Variants in XRCC5 observed in about 807,000 individuals in gnomAD.
XRCC5 encodes the protein DNA repair protein Ku80.
In XRCC5, 12 loss-of-function variants were observed where a neutral mutation model predicts 95.7. The observed-to-expected ratio is 0.13, with a 90% CI of 0.08 to 0.20. XRCC5 has a LOEUF of 0.20. Among genes scored for constraint, XRCC5 ranks in the 10% least tolerant of loss-of-function variants. The pLI is 1.00. For synonymous variants in XRCC5, 281 were observed against 290.3 expected (o/e 0.97, Z 0.33); for missense variants, 595 against 873.9 (o/e 0.68, Z 4.02).
intron 16 of XRCC5, among the ~76,000 whole-genome samples, chr2:216,180,173 A>G (rs1284211396): frequency 2.6e-5 from 4 of 152,224 alleles, no homozygotes; most frequent in Non-Finnish European, 5.9e-5. Context: ...ACTTTAAGAC[A>G]TGAGACTGGA....
intron 2 of XRCC5, among the ~76,000 whole-genome samples, chr2:216,114,821 G>C (rs1437382869): frequency 6.6e-6 from 1 of 152,148 alleles, no homozygotes; most frequent in Non-Finnish European, 1.5e-5. Flanking sequence ...CTGCCTCTGG[G>C]GGCGCTCGAC....
chr2:216,203,513 G>A (rs1689882259), intron 19 of XRCC5, among the ~76,000 whole-genome samples: 1 of 152,190 alleles, frequency 6.6e-6, no homozygotes, highest in Non-Finnish European at 1.5e-5. Flanking sequence ...GAAAAAGAGT[G>A]TTCAGATAAT....
At chr2:216,137,326 G>T (rs1444544220) in intron 11 of XRCC5, 101 bp downstream of exon 11, 4 of 1,345,350 alleles carry the variant, frequency 3.0e-6, no homozygotes, top group Non-Finnish European at 4.0e-6. Context: ...TGGGGATCTT[G>T]TTAAAATGCA....
chr2:216,179,964 T>C (rs898569597), intron 16 of XRCC5, among the ~76,000 whole-genome samples: 5 of 152,192 alleles, frequency 3.3e-5, no homozygotes, highest in Non-Finnish European at 7.3e-5. Flanking sequence ...GTTTTGAAAG[T>C]AGAATTGTCA....
chr2:216,152,493 G>A (rs1297553284), intron 14 of XRCC5, among the ~76,000 whole-genome samples: 2 of 151,884 alleles, frequency 1.3e-5, no homozygotes, highest in African/African-American at 4.8e-5. Flanking sequence ...AACCGTATCA[G>A]GTGAGAACTC....
chr2:216,137,653 A>G (rs1410789780), intron 11 of XRCC5, among the ~76,000 whole-genome samples: 1 of 152,186 alleles, frequency 6.6e-6, no homozygotes, highest in African/African-American at 2.4e-5. Flanking sequence ...GGCTGAGGAT[A>G]TGATTTTGTT....
At chr2:216,134,725 C>T (rs1417917015) in intron 10 of XRCC5, among the ~76,000 whole-genome samples, 3 of 151,734 alleles carry the variant, frequency 2.0e-5, no homozygotes, top group Admixed American at 6.6e-5. Flanking sequence ...TGTGAGCCAC[C>T]GTGCCCAGCC....
intron 14 of XRCC5, chr2:216,156,630 C>T: frequency 1.8e-6 from 1 of 561,090 alleles, no homozygotes; most frequent in East Asian, 4.8e-5. Flanking sequence ...GCATCATCTG[C>T]CTACATATAG....
intron 16 of XRCC5, among the ~76,000 whole-genome samples, chr2:216,173,254 C>T (rs1163974518): frequency 6.6e-6 from 1 of 151,858 alleles, no homozygotes; most frequent in African/African-American, 2.4e-5. Context: ...GAACTTCTGG[C>T]ACAGTGTTGA....
chr2:216,145,724 C>T (rs1463026139), intron 13 of XRCC5, among the ~76,000 whole-genome samples: 2 of 152,160 alleles, frequency 1.3e-5, no homozygotes, highest in Non-Finnish European at 1.5e-5. Context: ...TTATTATTGA[C>T]TTAACGGATG....
chr2:216,194,806 A>G, intron 18 of XRCC5, 113 bp from the exon 19 acceptor site: 1 of 1,008,188 alleles, frequency 9.9e-7, no homozygotes, highest in Non-Finnish European at 1.5e-6. Context: ...CCCTGTCTCT[A>G]TTTAAAAAAA....
Position 216,114,985 on chromosome 2 carries a change from A to G in XRCC5, c.136-1674A>G, listed in dbSNP as rs566347693. On this transcript the variant is annotated intron_variant, in intron 2 of 20. Transcript: ENST00000392132. ...ACAAAGGAGACTGGAAGCCCGGGAAAAGATGGCGCCGGTGGTTGGGGGGCG... is the reference window on the plus strand; with the variant it reads ...ACAAAGGAGACTGGAAGCCCGGGAAGAGATGGCGCCGGTGGTTGGGGGGCG... Among the ~76,000 whole-genome samples, 69 of 152,074 alleles carry G rather than the reference A, an allele frequency of 4.5e-4. 1 individual carries two copies. The highest frequency in any genetic ancestry group is 1.5e-3 in the African/African-American group (63 of 41,368).
chr2:216,178,631 A>T (rs375784056), intron 16 of XRCC5, among the ~76,000 whole-genome samples: 6 of 152,230 alleles, frequency 3.9e-5, no homozygotes, highest in African/African-American at 1.4e-4. Context: ...AATCATGACA[A>T]TGTTGGATGT....
At chr2:216,110,664 A>G (rs1247044383) in intron 1 of XRCC5, 1 of 152,234 alleles carries the variant, frequency 6.6e-6, no homozygotes, top group Non-Finnish European at 1.5e-5. Context: ...AATAAGTTCC[A>G]TATTTGAAAC....
chr2:216,192,723 A>G lies in XRCC5; in HGVS notation c.2029A>G (p.Ile677Val), dbSNP rs765461730. 5.7e-6 allele frequency: 9 copies of G among 1,591,134 alleles called. No individual in the cohort carries two copies. The Admixed American group carries it at 1.4e-4, about 25-fold the overall frequency. ...EIKQLNHFWEIVVQDGITLIT... is the reference protein window; with the variant it reads ...EIKQLNHFWEVVVQDGITLIT... The stretch of plus-strand genomic sequence containing the variant: ...TAAACAATTAAATCATTTCTGGGAA[A>G]TTGTTGTCCAGGGTAAGTTGTCATT... The change falls in exon 18 of 21, where the codon ATT (isoleucine) becomes GTT (valine). Residue 677 changes from isoleucine to valine, a missense_variant. Physicochemically the swap from Ile to Val is conservative, Grantham distance 29. Coordinates refer to ENST00000392132, the MANE Select transcript of XRCC5 (RefSeq NM_021141.4).
At chr2:216,165,083 T>C (rs41301724) in intron 16 of XRCC5, among the ~76,000 whole-genome samples, 1 of 152,220 alleles carries the variant, frequency 6.6e-6, no homozygotes, top group Non-Finnish European at 1.5e-5. Context: ...ACTGTAAAAT[T>C]GGAGGAGATG....
At chr2:216,162,150 T>C in intron 16 of XRCC5, 102 bp downstream of exon 16, 1 of 1,113,668 alleles carries the variant, frequency 9.0e-7, no homozygotes, top group Non-Finnish European at 1.4e-6. Context: ...ACTTTAGCAT[T>C]TTTCTTTACT....
chr2:216,172,388 A>G (rs543195670), intron 16 of XRCC5, among the ~76,000 whole-genome samples: 2 of 151,858 alleles, frequency 1.3e-5, no homozygotes, highest in Admixed American at 6.6e-5. Context: ...ATACACTCCA[A>G]CTTTGTTCTT....
intron 1 of XRCC5, chr2:216,111,451 G>C (rs1303393594): frequency 2.2e-6 from 1 of 445,866 alleles, no homozygotes; most frequent in Non-Finnish European, 4.5e-6. Flanking sequence ...TTGAGCCCGG[G>C]AGATGGAGGC....
Sources: allele counts gnomAD v4.1 joint callset (sites outside exome capture counted in the v4.1 genomes callset), GRCh38; gene constraint gnomAD v4.1.1; transcripts MANE v1.5; gene names NCBI Gene and HGNC (gene_info 2026-07-23, HGNC 2026-07-21).